LRBA: variants seen among roughly 807,000 people sequenced by gnomAD.
The protein encoded by LRBA is lipopolysaccharide-responsive and beige-like anchor protein.
In LRBA, 176 loss-of-function variants were observed where a neutral mutation model predicts 330.0. The observed-to-expected ratio is 0.53, with a 90% CI of 0.47 to 0.60. The LOEUF is 0.60. Ranked by LOEUF, LRBA falls within the 20% of genes least tolerant of loss-of-function variation. LRBA has a pLI of 0.00. For missense variants in LRBA, 3,259 were observed against 3,444.8 expected, an observed-to-expected ratio of 0.95 and a Z score of 1.35; for synonymous variants, 1,230 against 1,193.0, an observed-to-expected ratio of 1.03 and a Z score of -0.64.
intron 48 of LRBA, among the ~76,000 whole-genome samples, chr4:150,336,134 G>A (rs943024072): frequency 6.6e-6 from 1 of 152,190 alleles, no homozygotes; most frequent in African/African-American, 2.4e-5. Flanking sequence ...TGTCCTGGGG[G>A]TTTGTGGTAT....
intron 17 of LRBA, among the ~76,000 whole-genome samples, chr4:150,874,363 G>A (rs1334359495): frequency 1.3e-5 from 2 of 152,182 alleles, no homozygotes; most frequent in African/African-American, 4.8e-5. Flanking sequence ...ACAGCAGGAT[G>A]CCATTTTGAA....
intron 47 of LRBA, among the ~76,000 whole-genome samples, chr4:150,384,229 G>A (rs1742729802): frequency 6.6e-6 from 1 of 151,726 alleles, no homozygotes; most frequent in African/African-American, 2.4e-5. Context: ...GTAGAGATGG[G>A]GTTCCTCCGT....
chr4:150,515,524 T>C (rs1052014641), intron 40 of LRBA, among the ~76,000 whole-genome samples: 1 of 152,148 alleles, frequency 6.6e-6, no homozygotes, highest in African/African-American at 2.4e-5. Flanking sequence ...TAGGTACAGC[T>C]AGTAAAACAG....
chr4:151,011,118 C>CG (rs1255821087), intron 2 of LRBA, among the ~76,000 whole-genome samples: 2 of 151,054 alleles, frequency 1.3e-5, no homozygotes, highest in Non-Finnish European at 2.9e-5. Context: ...ACCCAGGAGG[C>CG]GGAGCTTGCA....
chr4:150,536,118 C>G (rs1300294485), intron 40 of LRBA, among the ~76,000 whole-genome samples: 1 of 152,040 alleles, frequency 6.6e-6, no homozygotes, highest in Non-Finnish European at 1.5e-5. Flanking sequence ...CACTGGTCTC[C>G]TCAACAAGCC....
chr4:150,285,865 T>C, intron 54 of LRBA, 68 bp downstream of exon 54: 2 of 948,902 alleles, frequency 2.1e-6, no homozygotes, highest in Non-Finnish European at 3.0e-6. Context: ...ACCAAATTAA[T>C]CTTTGGTAAT....
intron 31 of LRBA, among the ~76,000 whole-genome samples, chr4:150,811,496 T>C (rs1390973264): frequency 2.6e-5 from 4 of 151,916 alleles, no homozygotes; most frequent in African/African-American, 9.7e-5. Context: ...AACTGGTTTA[T>C]TGGGTTTTTT....
At chr4:150,507,594 C>A (rs949220786) in intron 40 of LRBA, among the ~76,000 whole-genome samples, 1 of 152,166 alleles carries the variant, frequency 6.6e-6, no homozygotes, top group African/African-American at 2.4e-5. Context: ...GGATTAAAGA[C>A]TTACATGTTA....
chr4:151,004,319 G>A (rs986955343), intron 2 of LRBA, among the ~76,000 whole-genome samples: 11 of 152,040 alleles, frequency 7.2e-5, no homozygotes, highest in African/African-American at 2.7e-4. Context: ...CCACTATTAG[G>A]TACAAATATG....
At chr4:150,888,658 A>G (rs910475158) in intron 17 of LRBA, among the ~76,000 whole-genome samples, 4 of 152,198 alleles carry the variant, frequency 2.6e-5, no homozygotes, top group Non-Finnish European at 4.4e-5. Context: ...CTCCAAACTC[A>G]AAATATAAAT....
chr4:151,011,415 T>C (rs990666788), intron 2 of LRBA, among the ~76,000 whole-genome samples: 21 of 151,756 alleles, frequency 1.4e-4, no homozygotes, highest in African/African-American at 4.3e-4. Context: ...CTGGCCAACA[T>C]GGTGAAACCC....
intron 37 of LRBA, among the ~76,000 whole-genome samples, chr4:150,666,152 C>T (rs1279399482): frequency 5.9e-5 from 9 of 152,290 alleles, no homozygotes. Flanking sequence ...AGAGTCAACA[C>T]TCGGTATCCT....
intron 43 of LRBA, among the ~76,000 whole-genome samples, chr4:150,468,426 A>C (rs1755706872): frequency 6.6e-6 from 1 of 152,038 alleles, no homozygotes; most frequent in African/African-American, 2.4e-5. Context: ...ACATCTTTCT[A>C]ATGACATTTT....
chr4:150,774,015 T>A lies in LRBA; in HGVS notation c.5581-12168A>T, dbSNP rs763069850. Among the ~76,000 whole-genome samples the A allele has an allele frequency of 6.2e-4, 95 of 152,260 alleles. 1 individual carries two copies. In the Middle Eastern group the frequency reaches 0.014, roughly 22 times the overall value. On this transcript the variant is annotated intron_variant, in intron 34 of 56. Transcript: ENST00000651943. ...CTTTGAAGAAGAGTGAGGAAAAGATTAACAGTATAAATTTTGGTGGCACAC... is the reference window on the plus strand; with the variant it reads ...CTTTGAAGAAGAGTGAGGAAAAGATAAACAGTATAAATTTTGGTGGCACAC...
chr4:150,616,288 G>T (rs192999366), intron 37 of LRBA, among the ~76,000 whole-genome samples: 4 of 152,268 alleles, frequency 2.6e-5, no homozygotes, highest in Admixed American at 6.5e-5. Flanking sequence ...AAATGGAAAA[G>T]TAAAAGTACA....
chr4:150,703,741 C>T (rs1785338217), intron 36 of LRBA, among the ~76,000 whole-genome samples: 1 of 151,716 alleles, frequency 6.6e-6, no homozygotes, highest in Admixed American at 6.6e-5. Context: ...CCATACAGAC[C>T]CTTACATAAG....
rs1384014823 is a variant in LRBA at position 150,516,215 on chromosome 4, C to CTTTTTTTTTTTTTTTTTTTTTTTTTTT, written c.6331-25181_6331-25180insAAAAAAAAAAAAAAAAAAAAAAAAAAA. Among the ~76,000 whole-genome samples the CTTTTTTTTTTTTTTTTTTTTTTTTTTT allele has an allele frequency of 3.5e-5, 3 of 86,712 alleles. 1 individual carries two copies. Among genetic ancestry groups the CTTTTTTTTTTTTTTTTTTTTTTTTTTT allele is most frequent in the African/African-American group, 9.2e-5 (2 of 21,806 alleles). The allele number at this position is 86,712 out of a possible 152,430, so 56.9% of individuals were successfully genotyped here. A position where few individuals can be genotyped will look rare whatever the true frequency, so the allele number is the denominator to read the frequency against. On this transcript the variant is annotated intron_variant, in intron 40 of 56. Transcript: ENST00000651943. The stretch of plus-strand genomic sequence containing the variant: ...GTAATTCAGTCTGACATTTTCTATT[C>CTTTTTTTTTTTTTTTTTTTTTTTTTTT]TCTTTTTTTTTTTTTTTTTTTTTTT...
At chr4:150,459,245 C>A (rs1433130788) in intron 44 of LRBA, among the ~76,000 whole-genome samples, 1 of 151,768 alleles carries the variant, frequency 6.6e-6, no homozygotes, top group Non-Finnish European at 1.5e-5. Flanking sequence ...CCATCCTTTA[C>A]CTTAAACCCT....
chr4:150,980,887 A>C lies in LRBA; in HGVS notation c.216+33540T>G, dbSNP rs550207676. Among the ~76,000 whole-genome samples, 44 of 152,314 alleles carry C rather than the reference A, an allele frequency of 2.9e-4. 2 individuals carry two copies. In the South Asian group the frequency reaches 9.1e-3, roughly 32 times the overall value. ...GAAAAAAAGTAATCCTATTTAAAAT[A>C]GCTACAAATAAATACCTAGGAATTA... is the stretch of plus-strand genomic sequence containing the variant. On this transcript the variant is annotated intron_variant, in intron 2 of 56. Transcript: ENST00000651943.
Sources: gnomAD v4.1 joint callset for allele counts (sites outside exome capture counted in the v4.1 genomes callset) on GRCh38, gnomAD v4.1.1 for gene constraint, MANE v1.5 for transcripts, NCBI Gene and HGNC (gene_info 2026-07-23, HGNC 2026-07-21) for gene names.